The following TMEM255B variants were observed in gnomAD, a reference collection of about 807,000 sequenced individuals.
TMEM255B encodes family with sequence similarity 70, member B.
TMEM255B carries 35 observed loss-of-function variants against 34.5 expected under a neutral mutation model. The observed-to-expected ratio is 1.01, with a 90% CI of 0.77 to 1.34. TMEM255B has a LOEUF of 1.34. Among genes scored for constraint, TMEM255B ranks in the 40% most tolerant of loss-of-function variants. The pLI is 0.00. For synonymous variants in TMEM255B, 206 were observed against 201.2 expected (o/e 1.02, Z -0.20); for missense variants, 432 against 433.2 (o/e 1.00, Z 0.02).
chr13:113,812,888 C>A lies in TMEM255B; in HGVS notation c.*985C>A, dbSNP rs1253883964. On this transcript the variant is annotated 3_prime_UTR_variant, in exon 9 of 9. Transcript: ENST00000375353. Reference sequence around the variant, plus strand: ...TGGGTCACAGGTCCCGAGTGGGTCACAGGCCCCGGGTGAGTCACAGGCCCC... The same window carrying A: ...TGGGTCACAGGTCCCGAGTGGGTCAAAGGCCCCGGGTGAGTCACAGGCCCC... 3 of 160,608 alleles carry A rather than the reference C, an allele frequency of 1.9e-5. No individual in the cohort carries two copies. In the East Asian group the frequency reaches 5.8e-4, roughly 31 times the overall value. The allele number at this position is 160,608 out of a possible 1,614,324, so 9.9% of individuals were successfully genotyped here. A position where few individuals can be genotyped will look rare whatever the true frequency, so the allele number is the denominator to read the frequency against.
rs988750578 is a variant in TMEM255B at position 113,789,711 on chromosome 13, C to T, written c.253-5437C>T. On this transcript the variant is annotated intron_variant, in intron 3 of 8. Transcript: ENST00000375353. ...CTGACTGACCAGGCACATGGACATCCTAACACTGAACTGACCATGTACATG... is the reference window on the plus strand; with the variant it reads ...CTGACTGACCAGGCACATGGACATCTTAACACTGAACTGACCATGTACATG... Among the ~76,000 whole-genome samples, 4 of 152,340 alleles carry T rather than the reference C, an allele frequency of 2.6e-5. No individual in the cohort carries two copies. In the Middle Eastern group the frequency reaches 0.01, roughly 389 times the overall value.
intron 8 of TMEM255B, among the ~76,000 whole-genome samples, chr13:113,810,766 A>T (rs1031099935): frequency 1.3e-5 from 2 of 152,204 alleles, no homozygotes; most frequent in Non-Finnish European, 2.9e-5. Context: ...AAGGGTGTCA[A>T]TCACACCTGA....
At position 113,801,250 on chromosome 13, in the gene TMEM255B, G is replaced by A. The variant is rs985998494; in HGVS notation, c.509+338G>A. The stretch of plus-strand genomic sequence containing the variant: ...CAAGAGGACACAGCCCGTGTGTGTC[G>A]GGCGAGAGTTTAAACCTGGCCTGGC... On this transcript the variant is annotated intron_variant, in intron 6 of 8. Coordinates refer to ENST00000375353, the MANE Select transcript of TMEM255B (RefSeq NM_182614.4). 5.3e-5 allele frequency among the ~76,000 whole-genome samples: 8 copies of A among 152,328 alleles called. No individual in the cohort carries two copies. The South Asian group carries it at 1.4e-3, about 28-fold the overall frequency.
At position 113,815,260 on chromosome 13, in the gene TMEM255B, G is replaced by A. The variant is rs1017417515; in HGVS notation, c.*3357G>A. Reference sequence around the variant, plus strand: ...AAAGAGAGGAAGGGACATGGGTGACGGTCCGTCCACGTGGGGTCACCGGCC... The same window carrying A: ...AAAGAGAGGAAGGGACATGGGTGACAGTCCGTCCACGTGGGGTCACCGGCC... On this transcript the variant is annotated 3_prime_UTR_variant, in exon 9 of 9. Coordinates refer to ENST00000375353, the MANE Select transcript of TMEM255B (RefSeq NM_182614.4). The A allele has an allele frequency of 2.0e-5, 3 of 149,780 alleles. No individual in the cohort carries two copies. The highest frequency in any genetic ancestry group is 7.4e-5 in the African/African-American group (3 of 40,454). 9.3% of individuals were successfully genotyped at this position (149,780 alleles called of 1,614,324 possible).
chr13:113,776,376 C>A (rs2050577971), intron 3 of TMEM255B, among the ~76,000 whole-genome samples: 1 of 152,210 alleles, frequency 6.6e-6, no homozygotes, highest in Non-Finnish European at 1.5e-5. Context: ...GCACCTGCCA[C>A]TCAGGGGCTG....
At chr13:113,800,498 G>A (rs765412161) in intron 5 of TMEM255B, among the ~76,000 whole-genome samples, 2 of 152,072 alleles carry the variant, frequency 1.3e-5, no homozygotes, top group South Asian at 4.1e-4. Context: ...TGCACCCCAC[G>A]CCGAAGGCCT....
intron 4 of TMEM255B, among the ~76,000 whole-genome samples, chr13:113,795,777 A>AC (rs2050915957): frequency 7.0e-6 from 1 of 141,862 alleles, no homozygotes; most frequent in African/African-American, 2.7e-5. Flanking sequence ...CACAGCACAC[A>AC]CACAACAGAG....
At chr13:113,771,892 C>T (rs1340521478) in intron 3 of TMEM255B, among the ~76,000 whole-genome samples, 1 of 152,142 alleles carries the variant, frequency 6.6e-6, no homozygotes, top group Non-Finnish European at 1.5e-5. Context: ...CTGGGTCATA[C>T]AGTAATGCTG....
chr13:113,788,777 C>G (rs1409684510), intron 3 of TMEM255B, among the ~76,000 whole-genome samples: 1 of 152,142 alleles, frequency 6.6e-6, no homozygotes, highest in Non-Finnish European at 1.5e-5. Context: ...ATCGCCGTCA[C>G]CTCCTGCCTG....
chr13:113,811,664 T>C, intron 8 of TMEM255B, 72 bp from the exon 9 acceptor site: 1 of 1,575,498 alleles, frequency 6.3e-7, no homozygotes, highest in South Asian at 1.1e-5. Context: ...CCCTGGTATA[T>C]GTCAGGCTTC....
At chr13:113,799,873 C>G (rs968138533) in intron 5 of TMEM255B, 2 of 1,005,896 alleles carry the variant, frequency 2.0e-6, no homozygotes, top group Non-Finnish European at 2.8e-6. Context: ...TCGCCAGGAC[C>G]GTCGGAGGGC....
intron 8 of TMEM255B, among the ~76,000 whole-genome samples, chr13:113,809,265 C>T (rs1354037363): frequency 1.0e-5 from 1 of 95,602 alleles, no homozygotes; most frequent in Non-Finnish European, 2.0e-5. Context: ...TCTGTGGTTC[C>T]TGGGGGTTTA....
intron 1 of TMEM255B, among the ~76,000 whole-genome samples, chr13:113,760,529 T>C (rs954635713): frequency 1.3e-4 from 20 of 152,178 alleles, no homozygotes; most frequent in Non-Finnish European, 2.5e-4. Flanking sequence ...TATGGGTCTT[T>C]TTGTTTGGAG....
chr13:113,781,346 C>A (rs995523049), intron 3 of TMEM255B, among the ~76,000 whole-genome samples: 11 of 152,294 alleles, frequency 7.2e-5, no homozygotes, highest in African/African-American at 2.4e-4. Context: ...CTTGCTTAAA[C>A]CTTCATTTTT....
rs78470954 is a variant in TMEM255B, at chr13:113,806,994, C to G, written c.813+1966C>G. On this transcript the variant is annotated intron_variant, in intron 8 of 8. Transcript: ENST00000375353. The surrounding 1 kb of genome is among the most constrained non-coding windows in gnomAD (Gnocchi z 4.2). ...GCTGTCTTCCATCCTCAACCTCAGC[C>G]GCTGCCCCTCAGGGCCCCAGAGGAG... 6.6e-6 allele frequency among the ~76,000 whole-genome samples: 1 copy of G among 152,150 alleles called. No individual in the cohort carries two copies. The highest frequency in any genetic ancestry group is 1.5e-5 in the Non-Finnish European group (1 of 68,010).
At chr13:113,765,670 C>T (rs1207381167) in intron 1 of TMEM255B, among the ~76,000 whole-genome samples, 1 of 152,210 alleles carries the variant, frequency 6.6e-6, no homozygotes, top group Non-Finnish European at 1.5e-5. Context: ...CTCCCTGCCC[C>T]TCCCCTGGTG....
Position 113,769,413 on chromosome 13 carries a change from A to G in TMEM255B, c.252+253A>G, listed in dbSNP as rs747382832. Reference sequence around the variant, plus strand: ...AACCTCACGTGGTGTGCAACCACCAATGCTGAGGCCTGGGAAGCTCAGAGA... The same window carrying G: ...AACCTCACGTGGTGTGCAACCACCAGTGCTGAGGCCTGGGAAGCTCAGAGA... On this transcript the variant is annotated intron_variant, in intron 3 of 8. Transcript: ENST00000375353. This position sits in a 1 kb window ranked among gnomAD's most constrained non-coding sequence, Gnocchi z 4.2. Among the ~76,000 whole-genome samples, 5 of 152,228 alleles carry G rather than the reference A, an allele frequency of 3.3e-5. No individual in the cohort carries two copies. Among genetic ancestry groups the G allele is most frequent in the East Asian group, 1.9e-4 (1 of 5,196 alleles).
chr13:113,803,693 C>T (rs2051107888), intron 7 of TMEM255B, among the ~76,000 whole-genome samples: 1 of 152,178 alleles, frequency 6.6e-6, no homozygotes, highest in Non-Finnish European at 1.5e-5. Context: ...CCTCCCAGGC[C>T]CACCTCGGCT....
chr13:113,762,908 A>G (rs901870841), intron 1 of TMEM255B, among the ~76,000 whole-genome samples: 7 of 152,244 alleles, frequency 4.6e-5, no homozygotes, highest in Non-Finnish European at 7.3e-5. Context: ...TCGCACAACA[A>G]AATCCTTTGA....
Sources: gnomAD v4.1 joint callset for allele counts (sites outside exome capture counted in the v4.1 genomes callset) on GRCh38, gnomAD v4.1.1 for gene constraint, Gnocchi (gnomAD v3.1) non-coding constraint, MANE v1.5 for transcripts, NCBI Gene and HGNC (gene_info 2026-07-23, HGNC 2026-07-21) for gene names.